FSD1L: variants seen among roughly 807,000 people sequenced by gnomAD.
The protein encoded by FSD1L is FSD1-like protein.
Under a neutral mutation model 71.6 loss-of-function variants are expected in FSD1L, and 45 were observed. The ratio of observed to expected loss-of-function variants is 0.63; its 90% CI spans 0.49 to 0.81. The LOEUF is 0.81. Ranked by LOEUF, FSD1L falls within the 30% of genes least tolerant of loss-of-function variation. The probability of loss-of-function intolerance (pLI) is 0.00; values close to 1 mark genes in which losing one functional copy is unlikely to be tolerated. For missense variants in FSD1L, 561 were observed against 618.1 expected (o/e 0.91, Z 0.98); for synonymous variants, 197 against 207.2 (o/e 0.95, Z 0.42).
At chr9:105,450,335 A>C (rs953898721) in intron 1 of FSD1L, among the ~76,000 whole-genome samples, 1 of 152,204 alleles carries the variant, frequency 6.6e-6, no homozygotes, top group Non-Finnish European at 1.5e-5. Context: ...GAAGGCCTGA[A>C]TATATACCTG....
intron 1 of FSD1L, among the ~76,000 whole-genome samples, chr9:105,458,088 A>G (rs1188782692): frequency 6.6e-6 from 1 of 152,062 alleles, no homozygotes; most frequent in Non-Finnish European, 1.5e-5. Flanking sequence ...CAGCCTGTTC[A>G]GTCCTGCCAC....
chr9:105,521,493 A>G (rs1355063573), intron 10 of FSD1L: 1 of 1,613,940 alleles, frequency 6.2e-7, no homozygotes, highest in Non-Finnish European at 8.5e-7. Context: ...TGTGACAGAG[A>G]TATTTCGTCA....
intron 7 of FSD1L, among the ~76,000 whole-genome samples, chr9:105,488,931 C>A (rs1162210380): frequency 6.6e-6 from 1 of 151,248 alleles, no homozygotes; most frequent in East Asian, 1.9e-4. Flanking sequence ...GAGGTGATGG[C>A]AAATATTATA....
At chr9:105,447,810 C>T (rs1301249219), upstream of FSD1L, 1 of 288,236 alleles carries the variant, frequency 3.5e-6, no homozygotes, top group Non-Finnish European at 6.5e-6. Flanking sequence ...CTTCCCGGGC[C>T]CTCCGCACCG....
At chr9:105,491,085 A>C (rs1471993751) in intron 7 of FSD1L, among the ~76,000 whole-genome samples, 2 of 152,122 alleles carry the variant, frequency 1.3e-5, no homozygotes, top group Admixed American at 1.3e-4. Context: ...AAACCTGTAA[A>C]TTACCTTGGG....
chr9:105,533,416 C>CTTTTTTTTTTGTTTTTT (rs1836035759), intron 10 of FSD1L, among the ~76,000 whole-genome samples: 1 of 29,070 alleles, frequency 3.4e-5, no homozygotes, highest in African/African-American at 1.3e-4. Context: ...CCATTTCCAT[C>CTTTTTTTTTTGTTTTTT]TTTTTTTTTT....
chr9:105,465,906 C>A (rs1010369052), intron 3 of FSD1L, among the ~76,000 whole-genome samples: 1 of 150,294 alleles, frequency 6.7e-6, no homozygotes, highest in South Asian at 2.1e-4. Flanking sequence ...AAGACTTGTT[C>A]TGTCACCCAG....
intron 11 of FSD1L, 116 bp from the exon 12 acceptor site, chr9:105,534,951 A>G (rs1836170628): frequency 1.1e-6 from 1 of 927,028 alleles, no homozygotes; most frequent in South Asian, 1.6e-5. Context: ...GATTATTCTT[A>G]TAGGAAAAGT....
At position 105,448,155 on chromosome 9, in the gene FSD1L, T is replaced by A; in HGVS notation, c.-66T>A. 4 of 1,511,056 alleles carry A rather than the reference T, an allele frequency of 2.6e-6. No individual in the cohort carries two copies. Among genetic ancestry groups the A allele is most frequent in the Non-Finnish European group, 3.6e-6 (4 of 1,114,316 alleles). The allele number at this position is 1,511,056 out of a possible 1,614,324, so 93.6% of individuals were successfully genotyped here. A position where few individuals can be genotyped will look rare whatever the true frequency, so the allele number is the denominator to read the frequency against. On this transcript the variant is annotated 5_prime_UTR_variant, in exon 1 of 14. Transcript: ENST00000481272. ...TGAGTAGCGGTCTTGGGGTGTGCGA[T>A]CTCGCTGAGCCTCCTCACACGGTTC...
In FSD1L at chr9:105,463,693, A is replaced by G. The variant is rs1399189767; in HGVS notation, c.112-543A>G. ...AGGAAGCATTATCAAAGTCTGAGCT[A>G]TCTGCTACTAAAATTGCTTTATTTA... On this transcript the variant is annotated intron_variant, in intron 2 of 13. Coordinates refer to ENST00000481272, the MANE Select transcript of FSD1L (RefSeq NM_001145313.3). Among the ~76,000 whole-genome samples the G allele has an allele frequency of 2.0e-5, 3 of 152,244 alleles. No homozygotes were observed. The East Asian group carries it at 5.8e-4, about 29-fold the overall frequency.
chr9:105,446,006 G>A (rs986887992), upstream of FSD1L, among the ~76,000 whole-genome samples: 2 of 151,856 alleles, frequency 1.3e-5, no homozygotes, highest in Non-Finnish European at 2.9e-5. Flanking sequence ...TTCATTTCTT[G>A]TACATCTCTG....
intron 13 of FSD1L, among the ~76,000 whole-genome samples, chr9:105,545,597 C>T (rs1030624685): frequency 5.3e-5 from 8 of 151,376 alleles, no homozygotes; most frequent in East Asian, 1.9e-4. Context: ...AGATATGTAC[C>T]GTCAATACCT....
intron 3 of FSD1L, 96 bp from the exon 4 acceptor site, chr9:105,468,097 G>A (rs905168990): frequency 6.3e-6 from 5 of 798,850 alleles, no homozygotes; most frequent in Admixed American, 8.7e-5. Context: ...AACATAGTTT[G>A]TAATATAAAT....
chr9:105,447,889 T>G, upstream of FSD1L: 6 of 435,432 alleles, frequency 1.4e-5, no homozygotes, highest in East Asian at 4.6e-5. Context: ...GGAAAAAGGA[T>G]GGGGGAAGGG....
chr9:105,449,778 T>TCAGGACATG (rs1564070625), intron 1 of FSD1L, among the ~76,000 whole-genome samples: 350 of 151,996 alleles, frequency 2.3e-3, no homozygotes, highest in African/African-American at 8.1e-3. Flanking sequence ...CTTACTTTAA[T>TCAGGACATG]GAGTTGTGAC....
rs1837117853 is a variant in FSD1L at position 105,548,234 on chromosome 9, G to T, written c.*1751G>T. Reference sequence around the variant, plus strand: ...GGTTTTTGTTCCTCAGAGAGAGTTTGAAAGAAATTTTCAGATGTTCTGTTC... The same window carrying T: ...GGTTTTTGTTCCTCAGAGAGAGTTTTAAAGAAATTTTCAGATGTTCTGTTC... On this transcript the variant is annotated 3_prime_UTR_variant, in exon 14 of 14. Coordinates refer to ENST00000481272, the MANE Select transcript of FSD1L (RefSeq NM_001145313.3). 1 of 152,028 alleles carries T rather than the reference G, an allele frequency of 6.6e-6. No individual in the cohort carries two copies. 9.4% of individuals were successfully genotyped at this position (152,028 alleles called of 1,614,324 possible). A position where few individuals can be genotyped will look rare whatever the true frequency, so the allele number is the denominator to read the frequency against.
chr9:105,454,081 G>A (rs116354530), intron 1 of FSD1L, among the ~76,000 whole-genome samples: 3,105 of 151,890 alleles, frequency 0.02, 101 homozygotes, highest in African/African-American at 0.071. Context: ...TTTATTGTAG[G>A]AAAATAAGAA....
chr9:105,507,889 C>CTT (rs200267374), intron 8 of FSD1L, among the ~76,000 whole-genome samples: 3 of 109,212 alleles, frequency 2.7e-5, no homozygotes, highest in Non-Finnish European at 3.9e-5. Flanking sequence ...TATCACTCTT[C>CTT]TTTTTTTTTT....
chr9:105,542,102 C>A (rs946223890), intron 13 of FSD1L, among the ~76,000 whole-genome samples: 1 of 152,124 alleles, frequency 6.6e-6, no homozygotes, highest in Non-Finnish European at 1.5e-5. Flanking sequence ...GGGATTTTCC[C>A]TTGGGTAAAT....
Sources: gnomAD v4.1 joint callset for allele counts (sites outside exome capture counted in the v4.1 genomes callset) on GRCh38, gnomAD v4.1.1 for gene constraint, MANE v1.5 for transcripts, NCBI Gene and HGNC (gene_info 2026-07-23, HGNC 2026-07-21) for gene names.